The following OTULIN variants were observed in gnomAD, a reference collection of about 807,000 sequenced individuals.
The protein encoded by OTULIN is ubiquitin thioesterase otulin.
Under a neutral mutation model 39.6 loss-of-function variants are expected in OTULIN, and 15 were observed. The observed-to-expected ratio is 0.38, with a 90% CI of 0.25 to 0.58. The LOEUF (loss-of-function observed/expected upper bound fraction) is 0.58. Ranked by LOEUF, OTULIN falls within the 20% of genes least tolerant of loss-of-function variation. OTULIN has a pLI of 0.66. For missense variants in OTULIN, 319 were observed against 445.9 expected, an observed-to-expected ratio of 0.72 and a Z score of 2.56; for synonymous variants, 156 against 170.3, an observed-to-expected ratio of 0.92 and a Z score of 0.65.
Position 14,693,964 on chromosome 5 carries a change from C to T in OTULIN, c.*916C>T, listed in dbSNP as rs539185420. 8 of 152,240 alleles carry T rather than the reference C, an allele frequency of 5.3e-5. 1 individual carries two copies. The highest frequency in any genetic ancestry group is 1.9e-4 in the African/African-American group (8 of 41,532). The allele number at this position is 152,240 out of a possible 1,614,324, so 9.4% of individuals were successfully genotyped here. On this transcript the variant is annotated 3_prime_UTR_variant, in exon 7 of 7. Coordinates refer to ENST00000284274, the MANE Select transcript of OTULIN (RefSeq NM_138348.6). ...TTCCATAGATTCACAATTTTATAGC[C>T]AAACAGTTTGTATCCACCTGCTTTC... is the stretch of plus-strand genomic sequence containing the variant.
chr5:14,669,602 A>G (rs1735932951), intron 1 of OTULIN, among the ~76,000 whole-genome samples: 1 of 151,988 alleles, frequency 6.6e-6, no homozygotes, highest in Non-Finnish European at 1.5e-5. Context: ...TGAGACCCTG[A>G]CTCTATAACA....
Position 14,698,447 on chromosome 5 carries a change from C to T in OTULIN, c.*5399C>T, listed in dbSNP as rs1736728451. ...TGCAGATGCGGTCAGTTGCCTGGCT[C>T]CTGGGGCCAGAGTTTCCTCTGTTAC... On this transcript the variant is annotated 3_prime_UTR_variant, in exon 7 of 7. Coordinates refer to ENST00000284274, the MANE Select transcript of OTULIN (RefSeq NM_138348.6). The T allele has an allele frequency of 6.6e-6, 1 of 152,244 alleles. No homozygotes were observed. The highest frequency in any genetic ancestry group is 1.5e-5 in the Non-Finnish European group (1 of 68,062). 9.4% of individuals were successfully genotyped at this position (152,244 alleles called of 1,614,324 possible).
chr5:14,704,214 C>T (rs995656239), downstream of OTULIN, among the ~76,000 whole-genome samples: 2 of 150,538 alleles, frequency 1.3e-5, no homozygotes, highest in Non-Finnish European at 2.9e-5. Context: ...CCTATAGTCC[C>T]AGCTACTCGG....
Position 14,698,025 on chromosome 5 carries a change from T to G in OTULIN, c.*4977T>G, listed in dbSNP as rs1736716689. 1 of 152,236 alleles carries G rather than the reference T, an allele frequency of 6.6e-6. No homozygotes were observed. The highest frequency in any genetic ancestry group is 1.5e-5 in the Non-Finnish European group (1 of 68,030). The allele number at this position is 152,236 out of a possible 1,614,324, so 9.4% of individuals were successfully genotyped here. On this transcript the variant is annotated 3_prime_UTR_variant, in exon 7 of 7. Transcript: ENST00000284274. Reference sequence around the variant, plus strand: ...TTATAAGAACTGCAGCAATCCACAGTAATGTTGGTTACTTCTGAGTATTTG... The same window carrying G: ...TTATAAGAACTGCAGCAATCCACAGGAATGTTGGTTACTTCTGAGTATTTG...
intron 1 of OTULIN, among the ~76,000 whole-genome samples, chr5:14,667,419 G>T (rs577046505): frequency 1.3e-4 from 20 of 152,328 alleles, no homozygotes; most frequent in African/African-American, 3.1e-4. Context: ...CTGTTGCCCA[G>T]TTTGGAGTGC....
At chr5:14,704,106 C>T (rs1468902112), downstream of OTULIN, among the ~76,000 whole-genome samples, 2 of 151,824 alleles carry the variant, frequency 1.3e-5, no homozygotes, top group Non-Finnish European at 2.9e-5. Flanking sequence ...CAGAGGTTGG[C>T]AGATCACAAG....
intron 2 of OTULIN, among the ~76,000 whole-genome samples, chr5:14,677,133 A>AT (rs1167802843): frequency 2.0e-5 from 3 of 151,152 alleles, no homozygotes; most frequent in Admixed American, 6.6e-5. Context: ...TACTTAAAAA[A>AT]TTTTTTTTTT....
the OTULIN span, among the ~76,000 whole-genome samples, chr5:14,711,583 C>G: frequency 6.6e-6 from 1 of 152,230 alleles, no homozygotes; most frequent in Non-Finnish European, 1.5e-5. Flanking sequence ...CAACCCGCTC[C>G]CTGCTGCCCT....
At chr5:14,665,187 A>C (rs1026816560) in intron 1 of OTULIN, among the ~76,000 whole-genome samples, 3 of 152,252 alleles carry the variant, frequency 2.0e-5, no homozygotes, top group Admixed American at 2.0e-4. Context: ...TTCTGGTCAC[A>C]CAGTGACTCC....
chr5:14,674,599 A>G (rs1736058373), intron 2 of OTULIN, among the ~76,000 whole-genome samples: 1 of 152,126 alleles, frequency 6.6e-6, no homozygotes, highest in Non-Finnish European at 1.5e-5. Context: ...TACAAAAAAT[A>G]CAAAAATTAA....
the OTULIN span, among the ~76,000 whole-genome samples, chr5:14,711,903 C>G: frequency 6.6e-6 from 1 of 152,188 alleles, no homozygotes; most frequent in African/African-American, 2.4e-5. Flanking sequence ...TTGCCATTAT[C>G]GACACACCAA....
chr5:14,712,866 T>TGTCTCACCTGCTTCCGGTA, the OTULIN span: 1 of 1,602,930 alleles, frequency 6.2e-7, no homozygotes, highest in East Asian at 2.2e-5. Flanking sequence ...CCGGCGCGGC[T>TGTCTCACCTGCTTCCGGTA]GTCTCACCTG....
At chr5:14,678,320 G>C (rs1736157616) in intron 2 of OTULIN, among the ~76,000 whole-genome samples, 1 of 152,104 alleles carries the variant, frequency 6.6e-6, no homozygotes, top group South Asian at 2.1e-4. Flanking sequence ...GCAGAGACCA[G>C]AGAGGCAGAG....
the OTULIN span, chr5:14,709,918 ATTTT>A: frequency 2.0e-5 from 3 of 152,422 alleles, no homozygotes; most frequent in Non-Finnish European, 4.4e-5. Flanking sequence ...TCTTTAAAAT[ATTTT>A]TTTTTTTAGG....
chr5:14,701,546 C>T (rs148925690), downstream of OTULIN, among the ~76,000 whole-genome samples: 912 of 152,328 alleles, frequency 6.0e-3, 3 homozygotes, highest in African/African-American at 0.021. Context: ...ATTACAACCC[C>T]CTGCCCCAGA....
chr5:14,665,431 G>A (rs1278159592), intron 1 of OTULIN, among the ~76,000 whole-genome samples: 1 of 152,210 alleles, frequency 6.6e-6, no homozygotes, highest in Non-Finnish European at 1.5e-5. Flanking sequence ...GACCCAAAGA[G>A]AATCTGACCC....
rs1027891937 is a variant in OTULIN, at chr5:14,693,229, T to C, written c.*181T>C. 1.7e-5 allele frequency: 10 copies of C among 578,470 alleles called. No individual in the cohort carries two copies. In the East Asian group the frequency reaches 2.5e-4, roughly 15 times the overall value. 35.8% of individuals were successfully genotyped at this position (578,470 alleles called of 1,614,324 possible). A position where few individuals can be genotyped will look rare whatever the true frequency, so the allele number is the denominator to read the frequency against. On this transcript the variant is annotated 3_prime_UTR_variant, in exon 7 of 7. Transcript: ENST00000284274. The stretch of plus-strand genomic sequence containing the variant: ...TTTGATAAGAGAAATTAACCAAGTC[T>C]TTCCCCTCATCTATGATGCAATATA...
the OTULIN span, chr5:14,711,186 C>G: frequency 6.2e-7 from 1 of 1,605,206 alleles, no homozygotes; most frequent in South Asian, 1.1e-5. Flanking sequence ...GTGCCCATGG[C>G]GTCCCGTGCC....
At chr5:14,668,889 A>AT (rs1238175854) in intron 1 of OTULIN, among the ~76,000 whole-genome samples, 1 of 152,194 alleles carries the variant, frequency 6.6e-6, no homozygotes, top group Non-Finnish European at 1.5e-5. Context: ...GAATAGTATA[A>AT]TTTTGTGTCT....
Sources: allele counts gnomAD v4.1 joint callset (sites outside exome capture counted in the v4.1 genomes callset), GRCh38; gene constraint gnomAD v4.1.1; transcripts MANE v1.5; gene names NCBI Gene and HGNC (gene_info 2026-07-23, HGNC 2026-07-21).